Variants in APOBEC4 observed in about 807,000 individuals in gnomAD.
APOBEC4 encodes putative deaminase APOBEC-4.
For synonymous variants in APOBEC4, 141 were observed against 154.2 expected, an observed-to-expected ratio of 0.91 and a Z score of 0.63; for missense variants, 375 against 441.2, an observed-to-expected ratio of 0.85 and a Z score of 1.34.
In APOBEC4 at chr1:183,648,474, C is replaced by A. The variant is rs867277632; in HGVS notation, c.308G>T (p.Gly103Val). The A allele has an allele frequency of 6.2e-7, 1 of 1,614,168 alleles. No homozygotes were observed. The highest frequency in any genetic ancestry group is 8.5e-7 in the Non-Finnish European group (1 of 1,180,032). Residue 103 changes from glycine to valine, a missense_variant, in exon 2 of 2, where the codon GGT (glycine) becomes GTT (valine). By Grantham distance (109) the Gly-to-Val change is moderately radical. Transcript: ENST00000308641. Reference protein sequence around the residue: ...HPESMLFEMNGYLDSAIYNND... With the variant: ...HPESMLFEMNVYLDSAIYNND... Reference sequence around the variant, plus strand: ...ATTGTATATGGCTGAGTCAAGATAACCATTCATTTCAAAGAGCATTGATTC... The same window carrying A: ...ATTGTATATGGCTGAGTCAAGATAAACATTCATTTCAAAGAGCATTGATTC...
At position 183,653,245 on chromosome 1, in the gene APOBEC4, C is replaced by T. The variant is rs1273884660; in HGVS notation, c.-204G>A. The T allele has an allele frequency of 2.0e-5, 3 of 152,178 alleles. No individual in the cohort carries two copies. Among genetic ancestry groups the T allele is most frequent in the South Asian group, 2.1e-4 (1 of 4,826 alleles). 9.4% of individuals were successfully genotyped at this position (152,178 alleles called of 1,614,324 possible). On this transcript the variant is annotated 5_prime_UTR_variant, in exon 1 of 2. Coordinates refer to ENST00000308641, the MANE Select transcript of APOBEC4 (RefSeq NM_203454.3). ...GACTCTTTCACAGTTTGTGTCTATT[C>T]GTTCATTTGAACTTTGCTGTTCCAA...
At position 183,649,955 on chromosome 1, in the gene APOBEC4, G is replaced by T. The variant is rs565850540; in HGVS notation, c.-30-1144C>A. ...GCCTCCCAAATAGCTGAGACCACAG[G>T]TATGTACCACCATGCCCAGATAATT... On this transcript the variant is annotated intron_variant, in intron 1 of 1. Transcript: ENST00000308641. 4.6e-5 allele frequency among the ~76,000 whole-genome samples: 7 copies of T among 152,194 alleles called. No homozygotes were observed. The East Asian group carries it at 1.2e-3, about 25-fold the overall frequency.
intron 1 of APOBEC4, among the ~76,000 whole-genome samples, chr1:183,649,293 T>C (rs1017854062): frequency 3.9e-5 from 6 of 152,256 alleles, no homozygotes; most frequent in African/African-American, 1.4e-4. Context: ...TCAGTAAATA[T>C]TAACTCTTAG....
rs534844695 is a variant in APOBEC4, at chr1:183,652,005, C to A, written c.-31+1067G>T. ...ACTTATGGGTGGTACACCGGACATC[C>A]AGGTTACTGCTCAGATTACAATTTC... On this transcript the variant is annotated intron_variant, in intron 1 of 1. Coordinates refer to ENST00000308641, the MANE Select transcript of APOBEC4 (RefSeq NM_203454.3). Among the ~76,000 whole-genome samples, 4 of 152,296 alleles carry A rather than the reference C, an allele frequency of 2.6e-5. No homozygotes were observed. In the South Asian group the frequency reaches 6.2e-4, roughly 24 times the overall value.
intron 1 of APOBEC4, among the ~76,000 whole-genome samples, chr1:183,652,654 T>C (rs1005715162): frequency 6.6e-6 from 1 of 152,240 alleles, no homozygotes; most frequent in African/African-American, 2.4e-5. Flanking sequence ...CTTAGCAACC[T>C]TGATTGGCTC....
At position 183,648,046 on chromosome 1, in the gene APOBEC4, T is replaced by A. The variant is rs771853196; in HGVS notation, c.736A>T (p.Thr246Ser). Reference protein sequence around the residue: ...KPYFTDVLLQTKRNPNTKAQE... With the variant: ...KPYFTDVLLQSKRNPNTKAQE... ...GCTTTTGTGTTTGGATTCCTTTTTG[T>A]CTGGAGAAGAACATCAGTGAAGTAA... is the stretch of plus-strand genomic sequence containing the variant. The change falls in exon 2 of 2, where the codon ACA becomes TCA. Residue 246 changes from threonine (T) to serine (S), a missense_variant. Coordinates refer to ENST00000308641, the MANE Select transcript of APOBEC4 (RefSeq NM_203454.3). 1 of 1,614,244 alleles carries A rather than the reference T, an allele frequency of 6.2e-7. No homozygotes were observed. The highest frequency in any genetic ancestry group is 8.5e-7 in the Non-Finnish European group (1 of 1,180,050).
chr1:183,648,766 C>T lies in APOBEC4; in HGVS notation c.16G>A (p.Glu6Lys). The change falls in exon 2 of 2, where the codon GAG (glutamate) becomes AAG (lysine). Residue 6 changes from glutamate (E) to lysine (K), a missense_variant. By Grantham distance (56) the Glu-to-Lys change is moderately conservative (BLOSUM62 1). Coordinates refer to ENST00000308641, the MANE Select transcript of APOBEC4 (RefSeq NM_203454.3). MEPIY[E>K]EYLANHGTIV... Reference sequence around the variant, plus strand: ...GTTCCATGATTTGCTAGGTACTCCTCATATATGGGCTCCATTGCTAGATTT... The same window carrying T: ...GTTCCATGATTTGCTAGGTACTCCTTATATATGGGCTCCATTGCTAGATTT... 2 of 1,596,944 alleles carry T rather than the reference C, an allele frequency of 1.3e-6. No homozygotes were observed. Among genetic ancestry groups the T allele is most frequent in the Admixed American group, 1.8e-5 (1 of 56,846 alleles).
At chr1:183,652,451 G>A (rs1005579482) in intron 1 of APOBEC4, among the ~76,000 whole-genome samples, 5 of 152,050 alleles carry the variant, frequency 3.3e-5, no homozygotes, top group African/African-American at 1.2e-4. Context: ...AGTCTTTCTG[G>A]GCTTGTTCTT....
intron 1 of APOBEC4, among the ~76,000 whole-genome samples, chr1:183,650,868 T>C (rs891120684): frequency 6.6e-6 from 1 of 152,164 alleles, no homozygotes; most frequent in African/African-American, 2.4e-5. Context: ...GTTGCTATAA[T>C]GTGTGCCTTT....
chr1:183,648,912 A>G (rs992762314), intron 1 of APOBEC4, 101 bp from the exon 2 acceptor site: 5 of 716,666 alleles, frequency 7.0e-6, no homozygotes, highest in Middle Eastern at 3.3e-4. Flanking sequence ...AAGTAGCACA[A>G]TAAAGATAGT....
rs963903373 is a variant in APOBEC4, at chr1:183,648,429, A to G, written c.353T>C (p.Ile118Thr). ...AIYNNDSIRH[I>T]ILYSNNSPCN... The stretch of plus-strand genomic sequence containing the variant: ...AGGGGAGTTGTTGGAATACAGAATG[A>G]TATGCCTGATGCTGTCATTATTGTA... The change falls in exon 2 of 2, where the codon ATC becomes ACC. Residue 118 changes from isoleucine (I) to threonine (T), a missense_variant. Coordinates refer to ENST00000308641, the MANE Select transcript of APOBEC4 (RefSeq NM_203454.3). 7 of 1,614,092 alleles carry G rather than the reference A, an allele frequency of 4.3e-6. No homozygotes were observed. In the African/African-American group the frequency reaches 8.0e-5, roughly 18 times the overall value.
chr1:183,652,459 C>CT lies in APOBEC4; in HGVS notation c.-31+612dup, dbSNP rs1255844409. 6.6e-5 allele frequency among the ~76,000 whole-genome samples: 10 copies of CT among 152,310 alleles called. No homozygotes were observed. The South Asian group carries it at 1.9e-3, about 28-fold the overall frequency. On this transcript the variant is annotated intron_variant, in intron 1 of 1. Transcript: ENST00000308641. Reference sequence around the variant, plus strand: ...TTTTCAGAGTCTTTCTGGGCTTGTTCTTTGATCACCCTCATCTGAAGAGGA... The same window carrying CT: ...TTTTCAGAGTCTTTCTGGGCTTGTTCTTTTGATCACCCTCATCTGAAGAGGA...
chr1:183,648,150 A>G lies in APOBEC4; in HGVS notation c.632T>C (p.Phe211Ser), dbSNP rs751758666. 2 of 1,614,210 alleles carry G rather than the reference A, an allele frequency of 1.2e-6. No individual in the cohort carries two copies. Among genetic ancestry groups the G allele is most frequent in the Non-Finnish European group, 1.7e-6 (2 of 1,180,034 alleles). ...FISGVSGSHV[F>S]QPILTGRALA... ...TGCTCTCCCAGTTAAAATGGGCTGAAAAACATGTGATCCTGAGACACCACT... is the reference window on the plus strand; with the variant it reads ...TGCTCTCCCAGTTAAAATGGGCTGAGAAACATGTGATCCTGAGACACCACT... Residue 211 changes from phenylalanine (F) to serine (S), a missense_variant, in exon 2 of 2, where the codon TTT becomes TCT. Phe to Ser is a radical substitution (Grantham distance 155). Coordinates refer to ENST00000308641, the MANE Select transcript of APOBEC4 (RefSeq NM_203454.3).
At chr1:183,649,453 C>A (rs1163234466) in intron 1 of APOBEC4, among the ~76,000 whole-genome samples, 1 of 152,184 alleles carries the variant, frequency 6.6e-6, no homozygotes, top group African/African-American at 2.4e-5. Flanking sequence ...TTGCATTTAA[C>A]ATCAACTTTC....
In APOBEC4 at chr1:183,647,801, G is replaced by T; in HGVS notation, c.981C>A (p.Phe327Leu). ...VRHLNMPQMS[F>L]QETKDLGRLP... ...GCCTTCCAAGGTCCTTGGTTTCCTG[G>T]AATGACATTTGAGGCATATTTAAGT... is the stretch of plus-strand genomic sequence containing the variant. The change falls in exon 2 of 2, where the codon TTC becomes TTA. Residue 327 changes from phenylalanine to leucine, a missense_variant. Physicochemically the swap from Phe to Leu is conservative, Grantham distance 22. Transcript: ENST00000308641. 1 of 1,614,078 alleles carries T rather than the reference G, an allele frequency of 6.2e-7. No homozygotes were observed.
rs769161091 is a variant in APOBEC4 at position 183,648,788 on chromosome 1, A to T, written c.-7T>A. ...CCTCATATATGGGCTCCATTGCTAG[A>T]TTTACTGTCTTCTAGCTGCAAACCT... On this transcript the variant is annotated 5_prime_UTR_variant, in exon 2 of 2. Transcript: ENST00000308641. 14 of 1,572,772 alleles carry T rather than the reference A, an allele frequency of 8.9e-6. No individual in the cohort carries two copies. The highest frequency in any genetic ancestry group is 3.8e-5 in the Admixed American group (2 of 52,446).
At position 183,653,053 on chromosome 1, in the gene APOBEC4, T is replaced by C. The variant is rs981880760; in HGVS notation, c.-31+19A>G. On this transcript the variant is annotated intron_variant, in intron 1 of 1. Coordinates refer to ENST00000308641, the MANE Select transcript of APOBEC4 (RefSeq NM_203454.3). Reference sequence around the variant, plus strand: ...CAATCTGTTAGCAGCTAAAAACAAATGTTAGCAGTTATAATTACCATCAAT... The same window carrying C: ...CAATCTGTTAGCAGCTAAAAACAAACGTTAGCAGTTATAATTACCATCAAT... 6.6e-6 allele frequency: 1 copy of C among 152,226 alleles called. No homozygotes were observed. The highest frequency in any genetic ancestry group is 1.5e-5 in the Non-Finnish European group (1 of 68,048). 9.4% of individuals were successfully genotyped at this position (152,226 alleles called of 1,614,324 possible). A position where few individuals can be genotyped will look rare whatever the true frequency, so the allele number is the denominator to read the frequency against.
chr1:183,648,364 T>C lies in APOBEC4; in HGVS notation c.418A>G (p.Asn140Asp), dbSNP rs1179351885. 1 of 1,614,200 alleles carries C rather than the reference T, an allele frequency of 6.2e-7. No individual in the cohort carries two copies. The highest frequency in any genetic ancestry group is 1.1e-5 in the South Asian group (1 of 91,084). Residue 140 changes from asparagine to aspartate, a missense_variant, in exon 2 of 2, where the codon AAT (asparagine) becomes GAT (aspartate). Asn to Asp is a conservative substitution (Grantham distance 23). Transcript: ENST00000308641. Reference sequence around the variant, plus strand: ...ATGCCTGGATACGTAATCAGGAAATTATACATTTTGCTGATGCAGCAGTGG... The same window carrying C: ...ATGCCTGGATACGTAATCAGGAAATCATACATTTTGCTGATGCAGCAGTGG... ...ANHCCISKMY[N>D]FLITYPGITL...
In APOBEC4 at chr1:183,647,462, A is replaced by C. The variant is rs901896232; in HGVS notation, c.*216T>G. On this transcript the variant is annotated 3_prime_UTR_variant, in exon 2 of 2. Coordinates refer to ENST00000308641, the MANE Select transcript of APOBEC4 (RefSeq NM_203454.3). ...TTTTGATACTGCCACTTTCAAAATA[A>C]AGGAGAGAGATCAAGTTGCTTATGG... is the stretch of plus-strand genomic sequence containing the variant. The C allele has an allele frequency of 5.0e-6, 3 of 602,010 alleles. No homozygotes were observed. The African/African-American group carries it at 5.6e-5, about 11-fold the overall frequency. 37.3% of individuals were successfully genotyped at this position (602,010 alleles called of 1,614,324 possible).
Sources: allele counts gnomAD v4.1 joint callset (sites outside exome capture counted in the v4.1 genomes callset), GRCh38; gene constraint gnomAD v4.1.1; transcripts MANE v1.5; gene names NCBI Gene and HGNC (gene_info 2026-07-23, HGNC 2026-07-21).